Variants in SEMA5B observed in about 807,000 individuals in gnomAD.
SEMA5B encodes semaphorin-5B.
A neutral mutation model predicts 135.0 loss-of-function variants in SEMA5B; 66 were observed. The observed-to-expected ratio is 0.49, with a 90% confidence interval of 0.40 to 0.60. The LOEUF (loss-of-function observed/expected upper bound fraction) is 0.60. Ranked by LOEUF, SEMA5B falls within the 20% of genes least tolerant of loss-of-function variation. The pLI is 0.00. For synonymous variants in SEMA5B, 690 were observed against 639.5 expected, an observed-to-expected ratio of 1.08 and a Z score of -1.19; for missense variants, 1,501 against 1,566.3, an observed-to-expected ratio of 0.96 and a Z score of 0.70.
Position 122,926,485 on chromosome 3 carries a change from C to T in SEMA5B, c.1043G>A (p.Arg348His), listed in dbSNP as rs148156892. The T allele has an allele frequency of 5.0e-5, 80 of 1,614,098 alleles. No homozygotes were observed. The highest frequency in any genetic ancestry group is 3.1e-4 in the African/African-American group (23 of 74,944). The change falls in exon 9 of 23, where the codon CGC (arginine) becomes CAC (histidine). Residue 348 changes from arginine to histidine, a missense_variant. Physicochemically the swap from Arg to His is conservative, Grantham distance 29. Transcript: ENST00000357599. ...TFMKARLNCS[R>H]PGEVPFYYNE... Reference sequence around the variant, plus strand: ...ATAGTAGAAGGGGACCTCGCCCGGGCGGGAGCAGTTGAGCCGGGCCTTCAT... The same window carrying T: ...ATAGTAGAAGGGGACCTCGCCCGGGTGGGAGCAGTTGAGCCGGGCCTTCAT...
chr3:122,948,675 A>G lies in SEMA5B; in HGVS notation c.159T>C (p.Thr53=). The change falls in exon 3 of 23, where the codon ACT becomes ACC. Residue 53 remains threonine (T), a synonymous_variant. Transcript: ENST00000357599. ...CAAGCACCATGATAGGCCCCTCTGCAGTCCTAGCTCCGGGAGGCAGACAGG... is the reference window on the plus strand; with the variant it reads ...CAAGCACCATGATAGGCCCCTCTGCGGTCCTAGCTCCGGGAGGCAGACAGG... The part of the protein sequence containing the change: ...LLPCLPPGAR[T]AEGPIMVLAG... 1 of 1,611,048 alleles carries G rather than the reference A, an allele frequency of 6.2e-7. No individual in the cohort carries two copies. Among genetic ancestry groups the G allele is most frequent in the South Asian group, 1.1e-5 (1 of 90,782 alleles).
chr3:122,966,560 A>ATTT (rs1307061116), intron 1 of SEMA5B, among the ~76,000 whole-genome samples: 4 of 137,640 alleles, frequency 2.9e-5, no homozygotes, highest in African/African-American at 1.3e-4. Context: ...TATTATTATT[A>ATTT]TTATTATTTT....
intron 1 of SEMA5B, chr3:122,976,049 A>G (rs1941307987): frequency 6.5e-7 from 1 of 1,534,792 alleles, no homozygotes; most frequent in African/African-American, 1.4e-5. Flanking sequence ...GCCCTCTCCC[A>G]AATGCCAGCT....
chr3:122,911,955 C>T lies in SEMA5B; in HGVS notation c.3011G>A (p.Ser1004Asn). 1 of 1,609,570 alleles carries T rather than the reference C, an allele frequency of 6.2e-7. No homozygotes were observed. The highest frequency in any genetic ancestry group is 1.1e-5 in the South Asian group (1 of 90,734). Reference protein sequence around the residue: ...PGSSACAGNSSQSRPCPYSEI... With the variant: ...PGSSACAGNSNQSRPCPYSEI... ...GCTGTAGGGGCAGGGGCGGCTCTGG[C>T]TGCTGTTTCCAGCACAGGCGCTGGA... Residue 1004 changes from serine to asparagine, a missense_variant, in exon 20 of 23, where the codon AGC becomes AAC. By Grantham distance (46) the Ser-to-Asn change is conservative (BLOSUM62 1). This residue lies in a region of SEMA5B where 927 missense variants were observed against 881.6 expected (regional missense o/e 1.05). Transcript: ENST00000357599.
At chr3:123,001,664 T>A (rs1268834402) in intron 1 of SEMA5B, among the ~76,000 whole-genome samples, 1 of 152,202 alleles carries the variant, frequency 6.6e-6, no homozygotes, top group Non-Finnish European at 1.5e-5. Flanking sequence ...CAACATGAGC[T>A]AAGTTCATAC....
intron 1 of SEMA5B, among the ~76,000 whole-genome samples, chr3:122,983,640 C>T (rs928516859): frequency 9.4e-5 from 13 of 138,584 alleles, no homozygotes; most frequent in Non-Finnish European, 1.8e-4. Context: ...ATGGCGTGAA[C>T]CCGGGAGGCG....
intron 3 of SEMA5B, among the ~76,000 whole-genome samples, chr3:122,947,075 C>T (rs1939821770): frequency 1.3e-5 from 2 of 151,892 alleles, no homozygotes. Flanking sequence ...TTGCCCCCAA[C>T]AAAGCCCCTG....
In SEMA5B at chr3:122,939,248, A is replaced by G. The variant is rs149071612; in HGVS notation, c.474+177T>C. On this transcript the variant is annotated intron_variant, in intron 5 of 22. Coordinates refer to ENST00000357599, the MANE Select transcript of SEMA5B (RefSeq NM_001031702.4). ...TGTGAGCCACACCCTCCCTCCACGT[A>G]CATTGCGGGCAGTGACTCTGATAGC... is the stretch of plus-strand genomic sequence containing the variant. Among the ~76,000 whole-genome samples the G allele has an allele frequency of 4.2e-3, 642 of 152,298 alleles. 5 individuals carry two copies. The highest frequency in any genetic ancestry group is 0.015 in the African/African-American group (615 of 41,550).
intron 9 of SEMA5B, among the ~76,000 whole-genome samples, chr3:122,925,150 A>T (rs1205631574): frequency 6.6e-6 from 1 of 151,670 alleles, no homozygotes; most frequent in Non-Finnish European, 1.5e-5. Flanking sequence ...AGTGCCTGCT[A>T]TCTGGGGCCC....
At chr3:122,977,428 T>C (rs1941367564) in intron 1 of SEMA5B, among the ~76,000 whole-genome samples, 1 of 152,214 alleles carries the variant, frequency 6.6e-6, no homozygotes, top group South Asian at 2.1e-4. Context: ...GTTGCTTACC[T>C]GAAATTCAAA....
At chr3:122,958,951 C>T (rs150765844) in intron 2 of SEMA5B, among the ~76,000 whole-genome samples, 1 of 152,280 alleles carries the variant, frequency 6.6e-6, no homozygotes, top group Non-Finnish European at 1.5e-5. Context: ...CCACCCACAT[C>T]CCTCCAGCTG....
chr3:122,926,168 C>T (rs1179923319), intron 9 of SEMA5B, among the ~76,000 whole-genome samples: 4 of 152,232 alleles, frequency 2.6e-5, no homozygotes, highest in African/African-American at 7.2e-5. Context: ...TTCATGCAGC[C>T]TAAGGCAGAT....
chr3:122,920,525 T>A (rs902500243), intron 12 of SEMA5B, among the ~76,000 whole-genome samples: 1 of 152,176 alleles, frequency 6.6e-6, no homozygotes, highest in Non-Finnish European at 1.5e-5. Flanking sequence ...TAAGAAGTAA[T>A]AAAGATACCA....
At chr3:122,935,690 T>C (rs374123630) in intron 5 of SEMA5B, among the ~76,000 whole-genome samples, 44 of 20,686 alleles carry the variant, frequency 2.1e-3, no homozygotes, top group South Asian at 0.01. Context: ...TTCTTTCTTT[T>C]TTTTTTTTTT....
chr3:122,919,035 C>T (rs905417043), intron 12 of SEMA5B, among the ~76,000 whole-genome samples: 1 of 133,132 alleles, frequency 7.5e-6, no homozygotes, highest in Non-Finnish European at 1.6e-5. Flanking sequence ...ATGTCTCAAG[C>T]AGCCATTACA....
chr3:123,000,846 C>A (rs1472675447), intron 1 of SEMA5B, among the ~76,000 whole-genome samples: 4 of 152,162 alleles, frequency 2.6e-5, no homozygotes, highest in African/African-American at 7.2e-5. Context: ...ACCTGGATAC[C>A]CAAAACAGCC....
chr3:122,954,213 C>T (rs1408674127), intron 2 of SEMA5B, among the ~76,000 whole-genome samples: 2 of 152,172 alleles, frequency 1.3e-5, no homozygotes, highest in Admixed American at 6.5e-5. Flanking sequence ...GCCTCTGTGC[C>T]CACCGTGGGG....
chr3:122,938,086 C>G (rs1939381506), intron 5 of SEMA5B, among the ~76,000 whole-genome samples: 1 of 152,232 alleles, frequency 6.6e-6, no homozygotes, highest in Non-Finnish European at 1.5e-5. Flanking sequence ...CAGCCCAGAT[C>G]CCAGGAATAT....
intron 2 of SEMA5B, among the ~76,000 whole-genome samples, chr3:122,955,146 A>AG (rs1431675579): frequency 6.6e-6 from 1 of 151,730 alleles, no homozygotes; most frequent in East Asian, 1.9e-4. Context: ...CTCTAAAAAA[A>AG]CAAAGGACGT....
Sources: gnomAD v4.1 joint callset for allele counts (sites outside exome capture counted in the v4.1 genomes callset) on GRCh38, gnomAD v4.1.1 for gene constraint, gnomAD v4.1.1 regional missense constraint, MANE v1.5 for transcripts, NCBI Gene and HGNC (gene_info 2026-07-23, HGNC 2026-07-21) for gene names.